SLC39A10: variants seen among roughly 807,000 people sequenced by gnomAD.
SLC39A10 encodes the protein zinc transporter ZIP10.
SLC39A10 carries 13 observed loss-of-function variants against 65.1 expected under a neutral mutation model. That is an observed-to-expected ratio of 0.20 (90% CI 0.13 to 0.32). The LOEUF is 0.32. SLC39A10 is among the 10% of genes least tolerant of loss of function. SLC39A10 has a pLI of 1.00. For missense variants in SLC39A10, 831 were observed against 1,018.4 expected (o/e 0.82, Z 2.50); for synonymous variants, 321 against 342.2 (o/e 0.94, Z 0.68).
intron 3 of SLC39A10, among the ~76,000 whole-genome samples, chr2:195,695,057 C>G (rs1044269251): frequency 4.6e-5 from 7 of 152,150 alleles, no homozygotes; most frequent in African/African-American, 1.7e-4. Flanking sequence ...GAAGAGGGGC[C>G]AGGCTTCTCC....
chr2:195,692,485 C>T (rs753113079), intron 3 of SLC39A10, among the ~76,000 whole-genome samples: 2 of 152,066 alleles, frequency 1.3e-5, no homozygotes, highest in Non-Finnish European at 1.5e-5. Context: ...GAGCATGGGA[C>T]GTGTTTCCAT....
intron 2 of SLC39A10, among the ~76,000 whole-genome samples, chr2:195,616,508 T>C (rs1438264245): frequency 6.6e-6 from 1 of 150,672 alleles, no homozygotes. Context: ...GGTTTCAACA[T>C]GTTGGCCAGG....
At chr2:195,721,013 C>T (rs1018920488) in intron 8 of SLC39A10, among the ~76,000 whole-genome samples, 3 of 152,186 alleles carry the variant, frequency 2.0e-5, no homozygotes, top group Admixed American at 6.5e-5. Flanking sequence ...TTGATCACGG[C>T]TTAGTGCAGC....
chr2:195,730,416 G>C (rs1170758344), intron 9 of SLC39A10, among the ~76,000 whole-genome samples: 1 of 152,084 alleles, frequency 6.6e-6, no homozygotes, highest in Non-Finnish European at 1.5e-5. Flanking sequence ...TACAACCTCC[G>C]CCTCTTGGGT....
chr2:195,642,520 G>A (rs548151624), intron 2 of SLC39A10, among the ~76,000 whole-genome samples: 2 of 152,282 alleles, frequency 1.3e-5, no homozygotes, highest in East Asian at 1.9e-4. Flanking sequence ...TTATCCAAGC[G>A]TAACATTTGC....
intron 3 of SLC39A10, among the ~76,000 whole-genome samples, chr2:195,688,119 G>A (rs767293827): frequency 9.9e-5 from 15 of 152,200 alleles, no homozygotes; most frequent in Non-Finnish European, 1.5e-4. Flanking sequence ...GACATTTGGC[G>A]CTTTTTTATT....
intron 2 of SLC39A10, among the ~76,000 whole-genome samples, chr2:195,682,869 A>C (rs951063092): frequency 6.6e-6 from 1 of 151,326 alleles, no homozygotes; most frequent in Non-Finnish European, 1.5e-5. Context: ...AAAAAAAAAA[A>C]CTAAGAAGAA....
At chr2:195,705,061 G>T (rs1412959876) in intron 3 of SLC39A10, among the ~76,000 whole-genome samples, 1 of 152,150 alleles carries the variant, frequency 6.6e-6, no homozygotes, top group Non-Finnish European at 1.5e-5. Flanking sequence ...GCCTCCCAAA[G>T]TGCTGTTTAC....
chr2:195,641,584 G>A (rs765799430), intron 2 of SLC39A10, among the ~76,000 whole-genome samples: 4 of 151,760 alleles, frequency 2.6e-5, no homozygotes, highest in East Asian at 1.9e-4. Context: ...GAAATCCAAC[G>A]TATGTTTTAT....
intron 2 of SLC39A10, among the ~76,000 whole-genome samples, chr2:195,631,172 T>G (rs1463252361): frequency 6.6e-6 from 1 of 151,770 alleles, no homozygotes; most frequent in Middle Eastern, 3.4e-3. Context: ...GGAGACAGAG[T>G]GAGACTCTGT....
intron 1 of SLC39A10, among the ~76,000 whole-genome samples, chr2:195,673,507 A>G (rs1248292618): frequency 6.6e-6 from 1 of 152,216 alleles, no homozygotes; most frequent in Non-Finnish European, 1.5e-5. Flanking sequence ...TATTTGTATA[A>G]ATAGGCACTC....
intron 6 of SLC39A10, among the ~76,000 whole-genome samples, chr2:195,715,916 A>G (rs1264066464): frequency 6.6e-6 from 1 of 152,236 alleles, no homozygotes; most frequent in Non-Finnish European, 1.5e-5. Flanking sequence ...CACAGCGTGC[A>G]TGTTACTAGT....
intron 2 of SLC39A10, among the ~76,000 whole-genome samples, chr2:195,639,941 T>C (rs1221615845): frequency 2.0e-5 from 3 of 146,976 alleles, no homozygotes; most frequent in Non-Finnish European, 4.5e-5. Context: ...TTCTCTGCCA[T>C]TGTTAATTAA....
rs747853479 is a variant in SLC39A10 at position 195,706,704 on chromosome 2, C to T, written c.1305C>T (p.Cys435=). 1.9e-6 allele frequency: 3 copies of T among 1,605,850 alleles called. No individual in the cohort carries two copies. Among genetic ancestry groups the T allele is most frequent in the Non-Finnish European group, 2.6e-6 (3 of 1,176,176 alleles). ...VILVPIINQG[C]FKFLLTFLVA... ...TGGTTCCTATCATTAACCAAGGATGCTTCAAATTCCTTCTTACATTCCTTG... is the reference window on the plus strand; with the variant it reads ...TGGTTCCTATCATTAACCAAGGATGTTTCAAATTCCTTCTTACATTCCTTG... The change falls in exon 4 of 10, where the codon TGC becomes TGT. Residue 435 remains cysteine, a synonymous_variant. Coordinates refer to ENST00000359634, the MANE Select transcript of SLC39A10 (RefSeq NM_020342.3).
Position 195,728,160 on chromosome 2 carries a change from A to G in SLC39A10, c.2148A>G (p.Gly716=). 2 of 1,603,166 alleles carry G rather than the reference A, an allele frequency of 1.2e-6. No individual in the cohort carries two copies. The highest frequency in any genetic ancestry group is 1.7e-6 in the Non-Finnish European group (2 of 1,172,046). The part of the protein sequence containing the change: ...VFCHELPHEL[G]DFAVLLKAGM... ...ATTCCCATTGTTTCTTAATTGCAGG[A>G]GATTTTGCAGTTCTTCTTAAAGCAG... The change falls in exon 9 of 10, where the codon GGA becomes GGG. Residue 716 remains glycine (G), a splice_region_variant and synonymous_variant. Transcript: ENST00000359634. The surrounding 1 kb of genome is among the most constrained non-coding windows in gnomAD (Gnocchi z 4.4).
chr2:195,728,238 T>C lies in SLC39A10; in HGVS notation c.2226T>C (p.Ala742=), dbSNP rs770008996. 1 of 1,614,088 alleles carries C rather than the reference T, an allele frequency of 6.2e-7. No individual in the cohort carries two copies. Among genetic ancestry groups the C allele is most frequent in the Non-Finnish European group, 8.5e-7 (1 of 1,179,928 alleles). ...IVYNLLSAMM[A]YIGMLIGTAV... ...ACAACCTCCTCTCTGCCATGATGGCTTACATAGGCATGCTCATAGGCACAG... is the reference window on the plus strand; with the variant it reads ...ACAACCTCCTCTCTGCCATGATGGCCTACATAGGCATGCTCATAGGCACAG... The change falls in exon 9 of 10, where the codon GCT becomes GCC. Residue 742 remains alanine, a synonymous_variant. Coordinates refer to ENST00000359634, the MANE Select transcript of SLC39A10 (RefSeq NM_020342.3). This position sits in a 1 kb window ranked among gnomAD's most constrained non-coding sequence, Gnocchi z 4.4.
At chr2:195,704,518 T>C (rs903461299) in intron 3 of SLC39A10, among the ~76,000 whole-genome samples, 12 of 152,216 alleles carry the variant, frequency 7.9e-5, no homozygotes, top group Admixed American at 5.2e-4. Context: ...CCAATAACTT[T>C]ATTGGCTCTA....
chr2:195,645,308 A>G (rs929281436), intron 2 of SLC39A10, among the ~76,000 whole-genome samples: 1 of 152,162 alleles, frequency 6.6e-6, no homozygotes, highest in Non-Finnish European at 1.5e-5. Context: ...TGGTAATCTC[A>G]AAACTGTTCC....
upstream of SLC39A10, among the ~76,000 whole-genome samples, chr2:195,656,110 T>C (rs555087091): frequency 3.2e-4 from 48 of 152,256 alleles, no homozygotes; most frequent in African/African-American, 1.1e-3. Context: ...CTGCTGTTCA[T>C]GGTTTTATTT....
Sources: gnomAD v4.1 joint callset for allele counts (sites outside exome capture counted in the v4.1 genomes callset) on GRCh38, gnomAD v4.1.1 for gene constraint, Gnocchi (gnomAD v3.1) non-coding constraint, MANE v1.5 for transcripts, NCBI Gene and HGNC (gene_info 2026-07-23, HGNC 2026-07-21) for gene names.